Variants in ARMCX4 observed in about 807,000 individuals in gnomAD.
ARMCX4 encodes armadillo repeat containing X-linked 4.
ARMCX4 carries 3 observed loss-of-function variants against 34.7 expected under a neutral mutation model. The ratio of observed to expected loss-of-function variants is 0.09; its 90% CI spans 0.04 to 0.22. ARMCX4 has a LOEUF of 0.22. Ranked by LOEUF, ARMCX4 falls within the 10% of genes least tolerant of loss-of-function variation. The pLI is 1.00. For missense variants in ARMCX4, 1,448 were observed against 1,720.8 expected (o/e 0.84, Z 2.81); for synonymous variants, 513 against 632.8 (o/e 0.81, Z 2.84).
At chrX:101,468,855 A>G (rs1196120038) in intron 4 of ARMCX4, among the ~76,000 whole-genome samples, 4 of 111,267 alleles carry the variant, frequency 3.6e-5, no homozygotes, top group African/African-American at 6.5e-5. Flanking sequence ...AGTATTTTTC[A>G]TAGGCTTCAG....
At chrX:101,463,877 C>G (rs1932729550) in intron 4 of ARMCX4, among the ~76,000 whole-genome samples, 1 of 110,434 alleles carries the variant, frequency 9.1e-6, no homozygotes, top group South Asian at 3.9e-4. Context: ...CCTCAGCCAC[C>G]CAAGTAGCTG....
At position 101,467,501 on chromosome X, in the gene ARMCX4, C is replaced by G. The variant is rs150909065; in HGVS notation, c.-472-18522C>G. 4.6e-3 allele frequency among the ~76,000 whole-genome samples: 515 copies of G among 112,082 alleles called. 2 individuals carry two copies. The highest frequency in any genetic ancestry group is 0.016 in the African/African-American group (488 of 30,884). On this transcript the variant is annotated intron_variant and NMD_transcript_variant, in intron 4 of 15. Transcript: ENST00000433011. The stretch of plus-strand genomic sequence containing the variant: ...GGAAAGAAACCATCAAAGCATCTAT[C>G]TCAAGGAGCTAGGAAAAAAATCCCA...
intron 11 of ARMCX4, among the ~76,000 whole-genome samples, chrX:101,520,410 C>T (rs972428329): frequency 4.5e-5 from 5 of 112,323 alleles, no homozygotes; most frequent in African/African-American, 1.6e-4. Flanking sequence ...TTTTCATAGA[C>T]ATCTTTTATC....
At chrX:101,434,254 CTTTTTT>C (rs140569758) in intron 2 of ARMCX4, among the ~76,000 whole-genome samples, 7 of 89,291 alleles carry the variant, frequency 7.8e-5, no homozygotes, top group Non-Finnish European at 1.5e-4. Context: ...TTAGAGTATT[CTTTTTT>C]TTTTTTTTTT....
At chrX:101,508,110 C>A (rs1228481315) in intron 8 of ARMCX4, among the ~76,000 whole-genome samples, 3 of 111,984 alleles carry the variant, frequency 2.7e-5, no homozygotes, top group Non-Finnish European at 5.6e-5. Context: ...ACCATATAGC[C>A]CAGGTAGGTA....
At chrX:101,480,249 G>GGA (rs1233681791) in intron 4 of ARMCX4, among the ~76,000 whole-genome samples, 9 of 109,059 alleles carry the variant, frequency 8.3e-5, no homozygotes, top group Non-Finnish European at 1.3e-4. Flanking sequence ...TAAAAATTCT[G>GGA]GAGTTAGGTG....
chrX:101,515,419 C>T (rs1934709505), intron 11 of ARMCX4, among the ~76,000 whole-genome samples: 2 of 6,072 alleles, frequency 3.3e-4, no homozygotes, highest in African/African-American at 6.8e-4. Context: ...CCCTCTCTTC[C>T]TTCCTTCCTT....
intron 4 of ARMCX4, among the ~76,000 whole-genome samples, chrX:101,458,509 TC>T (rs782097838): frequency 3.6e-4 from 37 of 103,801 alleles, no homozygotes; most frequent in Non-Finnish European, 6.4e-4. Context: ...TAATTCAATA[TC>T]CCCCCCCTTT....
Position 101,489,121 on chromosome X carries a change from A to G in ARMCX4, c.532A>G (p.Thr178Ala). 8.6e-7 allele frequency: 1 copy of G among 1,156,260 alleles called. No homozygotes were observed. Among genetic ancestry groups the G allele is most frequent in the South Asian group, 1.9e-5 (1 of 52,779 alleles). Residue 178 changes from threonine to alanine, a missense_variant, in exon 6 of 6, where the codon ACA becomes GCA. By Grantham distance (58) the Thr-to-Ala change is moderately conservative (BLOSUM62 0). Transcript: ENST00000423738. ...KAKAWALVAK[T>A]EAKREAMTQT... Reference sequence around the variant, plus strand: ...TAAAGCTTGGGCGCTGGTTGCCAAGACAGAGGCCAAGAGAGAAGCAATGAC... The same window carrying G: ...TAAAGCTTGGGCGCTGGTTGCCAAGGCAGAGGCCAAGAGAGAAGCAATGAC...
intron 2 of ARMCX4, among the ~76,000 whole-genome samples, chrX:101,437,896 G>C (rs111895611): frequency 3.6e-5 from 4 of 111,573 alleles, no homozygotes; most frequent in African/African-American, 1.3e-4. Context: ...CCTTCATTTC[G>C]TTATGTACCC....
At chrX:101,423,801 A>G (rs1929434607) in intron 2 of ARMCX4, among the ~76,000 whole-genome samples, 2 of 110,812 alleles carry the variant, frequency 1.8e-5, no homozygotes, top group African/African-American at 6.6e-5. Flanking sequence ...GGTTAAATTG[A>G]CTAGCAGTGG....
chrX:101,470,289 C>A (rs191069582), intron 4 of ARMCX4, among the ~76,000 whole-genome samples: 1 of 111,515 alleles, frequency 9.0e-6, no homozygotes, highest in East Asian at 2.8e-4. Flanking sequence ...TGGCTCTGTT[C>A]ACTCAGCATA....
Position 101,489,153 on chromosome X carries a change from C to G in ARMCX4, c.564C>G (p.Thr188=). ...CCAAGAGAGAAGCAATGACCCAGACCAAAGCTGAAACTCATATATTGGCTG... is the reference window on the plus strand; with the variant it reads ...CCAAGAGAGAAGCAATGACCCAGACGAAAGCTGAAACTCATATATTGGCTG... ...TEAKREAMTQ[T]KAETHILAEK... The change falls in exon 6 of 6, where the codon ACC becomes ACG. Residue 188 remains threonine, a synonymous_variant. Coordinates refer to ENST00000423738, the MANE Select transcript of ARMCX4 (RefSeq NM_001256155.3). 1.7e-6 allele frequency: 2 copies of G among 1,155,804 alleles called. No homozygotes were observed. Among genetic ancestry groups the G allele is most frequent in the Non-Finnish European group, 1.1e-6 (1 of 872,922 alleles).
At chrX:101,433,136 A>G (rs1018151025) in intron 2 of ARMCX4, among the ~76,000 whole-genome samples, 8 of 108,229 alleles carry the variant, frequency 7.4e-5, no homozygotes, top group African/African-American at 2.7e-4. Context: ...ACATATTTGT[A>G]TATATACTCA....
intron 4 of ARMCX4, among the ~76,000 whole-genome samples, chrX:101,458,106 T>C (rs183891416): frequency 6.6e-4 from 72 of 109,567 alleles, no homozygotes; most frequent in African/African-American, 2.2e-3. Context: ...GCAATTTGGA[T>C]TCCCTTAGCA....
intron 4 of ARMCX4, 26 bp from the exon 5 acceptor site, chrX:101,488,018 C>A (rs980315533): frequency 1.1e-6 from 1 of 890,119 alleles, no homozygotes; most frequent in Non-Finnish European, 1.5e-6. Context: ...GTCCAGAGAT[C>A]TCATGAATTT....
intron 3 of ARMCX4, among the ~76,000 whole-genome samples, chrX:101,445,103 A>G (rs1242398626): frequency 8.9e-6 from 1 of 112,335 alleles, no homozygotes; most frequent in Non-Finnish European, 1.9e-5. Context: ...TTTTAACCAT[A>G]ATAAGTAAGA....
At chrX:101,432,803 T>A in intron 2 of ARMCX4, among the ~76,000 whole-genome samples, 1 of 105,129 alleles carries the variant, frequency 9.5e-6, no homozygotes, top group Admixed American at 1.0e-4. Flanking sequence ...TATACACATG[T>A]ATGTATACAT....
Position 101,521,990 on chromosome X carries a change from G to T in ARMCX4, c.*1781-9654G>T, listed in dbSNP as rs182607598. ...ATGTATTTTTCTGTTGTTTAGTGAA[G>T]TGTTCTATAGATGTCTGCCACTTCT... On this transcript the variant is annotated intron_variant and NMD_transcript_variant, in intron 11 of 12. Transcript: ENST00000354842. Among the ~76,000 whole-genome samples, 145 of 111,578 alleles carry T rather than the reference G, an allele frequency of 1.3e-3. 1 individual carries two copies. Among genetic ancestry groups the T allele is most frequent in the African/African-American group, 4.4e-3 (135 of 30,849 alleles).
Sources: allele counts gnomAD v4.1 joint callset (sites outside exome capture counted in the v4.1 genomes callset), GRCh38; gene constraint gnomAD v4.1.1; transcripts MANE v1.5; gene names NCBI Gene and HGNC (gene_info 2026-07-23, HGNC 2026-07-21).